IFT81: variants seen among roughly 807,000 people sequenced by gnomAD.
IFT81 encodes intraflagellar transport 81.
Under a neutral mutation model 102.6 loss-of-function variants are expected in IFT81, and 72 were observed. The ratio of observed to expected loss-of-function variants is 0.70; its 90% CI spans 0.58 to 0.85. IFT81 has a LOEUF of 0.85. Among genes scored for constraint, IFT81 ranks in the 40% least tolerant of loss-of-function variants. The probability of loss-of-function intolerance (pLI) is 0.00; values close to 1 mark genes in which losing one functional copy is unlikely to be tolerated. For synonymous variants in IFT81, 237 were observed against 242.7 expected (o/e 0.98, Z 0.22); for missense variants, 723 against 787.3 (o/e 0.92, Z 0.98).
intron 14 of IFT81, among the ~76,000 whole-genome samples, 178 bp downstream of exon 14, chr12:110,192,884 A>C (rs1382351211): frequency 6.6e-6 from 1 of 152,164 alleles, no homozygotes; most frequent in East Asian, 1.9e-4. Context: ...CATACAGGCC[A>C]GGTGTGGTGG....
At chr12:110,157,014 A>AT (rs200174665) in intron 10 of IFT81, among the ~76,000 whole-genome samples, 1,452 of 130,808 alleles carry the variant, frequency 0.011, 28 homozygotes, top group East Asian at 0.094. Flanking sequence ...TGACAGTTTG[A>AT]TTTTTTTTTT....
intron 10 of IFT81, among the ~76,000 whole-genome samples, chr12:110,156,418 T>A (rs369901535): frequency 7.8e-4 from 119 of 152,310 alleles, no homozygotes; most frequent in African/African-American, 2.7e-3. Context: ...AAGGCAAGTC[T>A]AGTTGTAACA....
At chr12:110,178,051 C>T (rs1029872228) in intron 11 of IFT81, among the ~76,000 whole-genome samples, 13 of 150,712 alleles carry the variant, frequency 8.6e-5, no homozygotes, top group Admixed American at 6.0e-4. Context: ...GCCAAGATTG[C>T]GCCACTGTAC....
intron 4 of IFT81, 45 bp from the exon 5 acceptor site, chr12:110,132,502 C>T: frequency 1.3e-6 from 1 of 756,362 alleles, no homozygotes; most frequent in Non-Finnish European, 2.2e-6. Flanking sequence ...GAAAACTCTA[C>T]TGGATCTAGT....
chr12:110,202,117 G>A (rs1224934451), intron 14 of IFT81, among the ~76,000 whole-genome samples: 1 of 152,114 alleles, frequency 6.6e-6, no homozygotes, highest in Non-Finnish European at 1.5e-5. Context: ...ACAGTAGATT[G>A]GTTTACACCA....
chr12:110,203,996 T>A, intron 15 of IFT81, 46 bp downstream of exon 15: 1 of 1,177,946 alleles, frequency 8.5e-7, no homozygotes, highest in Non-Finnish European at 1.2e-6. Flanking sequence ...AAACTACCTG[T>A]GTGTACACCT....
chr12:110,202,732 G>A (rs756505703), intron 14 of IFT81, among the ~76,000 whole-genome samples: 11 of 151,746 alleles, frequency 7.2e-5, no homozygotes, highest in South Asian at 2.1e-4. Context: ...AATTACAGGC[G>A]TGAGCCACCA....
chr12:110,145,312 G>A (rs1232237770), intron 9 of IFT81, among the ~76,000 whole-genome samples: 2 of 151,876 alleles, frequency 1.3e-5, no homozygotes, highest in East Asian at 3.9e-4. Flanking sequence ...CAAAGTGCAG[G>A]GATTACAGGT....
intron 11 of IFT81, among the ~76,000 whole-genome samples, chr12:110,169,702 G>T (rs1896646221): frequency 1.3e-5 from 2 of 151,058 alleles, no homozygotes; most frequent in Admixed American, 6.6e-5. Flanking sequence ...GGCTGGGATT[G>T]CAGGTGCCCA....
intron 14 of IFT81, 149 bp from the exon 15 acceptor site, chr12:110,203,715 C>T: frequency 1.5e-6 from 1 of 656,468 alleles, no homozygotes; most frequent in South Asian, 1.8e-5. Flanking sequence ...TCATAATTCT[C>T]AAATGTCTGG....
At chr12:110,139,288 G>C (rs1894699823) in intron 8 of IFT81, among the ~76,000 whole-genome samples, 1 of 141,196 alleles carries the variant, frequency 7.1e-6, no homozygotes, top group African/African-American at 2.6e-5. Flanking sequence ...AGTGAACTGA[G>C]ATTGTGCCAC....
At chr12:110,157,386 A>G (rs1386868814) in intron 10 of IFT81, among the ~76,000 whole-genome samples, 1 of 152,032 alleles carries the variant, frequency 6.6e-6, no homozygotes, top group East Asian at 1.9e-4. Flanking sequence ...AATCATAATA[A>G]TAAAAGGCCT....
At chr12:110,173,836 T>G (rs1896903510) in intron 11 of IFT81, among the ~76,000 whole-genome samples, 1 of 151,964 alleles carries the variant, frequency 6.6e-6, no homozygotes, top group Non-Finnish European at 1.5e-5. Flanking sequence ...GCGGAAGGCC[T>G]CAGGGTCCTC....
At chr12:110,215,079 G>A (rs1869907231) in intron 18 of IFT81, among the ~76,000 whole-genome samples, 1 of 152,072 alleles carries the variant, frequency 6.6e-6, no homozygotes, top group South Asian at 2.1e-4. Context: ...CTTTCATTAT[G>A]CATAGCTGGG....
At chr12:110,187,847 G>A (rs755990) in intron 12 of IFT81, among the ~76,000 whole-genome samples, 143 of 152,178 alleles carry the variant, frequency 9.4e-4, no homozygotes, top group African/African-American at 3.2e-3. Context: ...GAGACTTTAG[G>A]AAGTGGTCCT....
At chr12:110,169,037 CT>C (rs1896600155) in intron 11 of IFT81, 1 of 139,492 alleles carries the variant, frequency 7.2e-6, no homozygotes, top group South Asian at 2.4e-4. Flanking sequence ...TCCTTCCTTC[CT>C]TCCTTCCTTC....
intron 15 of IFT81, 93 bp downstream of exon 15, chr12:110,204,043 T>C: frequency 1.3e-6 from 1 of 777,766 alleles, no homozygotes; most frequent in South Asian, 1.6e-5. Flanking sequence ...AGCAGGAGGA[T>C]TGCTTGAGCC....
In IFT81 at chr12:110,148,076, G is replaced by A. The variant is rs145507655; in HGVS notation, c.1041+1028G>A. On this transcript the variant is annotated intron_variant, in intron 10 of 18. Transcript: ENST00000242591. ...ATTTATTTTTTGCTGTCACCTATCTGTCCCAGAAAGTTTGTCTCTTTTAAT... is the reference window on the plus strand; with the variant it reads ...ATTTATTTTTTGCTGTCACCTATCTATCCCAGAAAGTTTGTCTCTTTTAAT... Among the ~76,000 whole-genome samples the A allele has an allele frequency of 5.0e-3, 753 of 151,938 alleles. 10 individuals are homozygous for A. Among genetic ancestry groups the A allele is most frequent in the African/African-American group, 0.017 (724 of 41,412 alleles).
rs377023127 is a variant in IFT81 at position 110,153,528 on chromosome 12, G to A, written c.1041+6480G>A. Among the ~76,000 whole-genome samples the A allele has an allele frequency of 3.8e-4, 58 of 151,302 alleles. 1 individual carries two copies. In the East Asian group the frequency reaches 0.01, roughly 26 times the overall value. On this transcript the variant is annotated intron_variant, in intron 10 of 18. Coordinates refer to ENST00000242591, the MANE Select transcript of IFT81 (RefSeq NM_014055.4). ...GCTGGGATTACAGGCATGAGCCACCGCGCCCAGCCTGGTATTCGTTAATTT... is the reference window on the plus strand; with the variant it reads ...GCTGGGATTACAGGCATGAGCCACCACGCCCAGCCTGGTATTCGTTAATTT...
Sources: allele counts gnomAD v4.1 joint callset (sites outside exome capture counted in the v4.1 genomes callset), GRCh38; gene constraint gnomAD v4.1.1; transcripts MANE v1.5; gene names NCBI Gene and HGNC (gene_info 2026-07-23, HGNC 2026-07-21).